SF3A3: variants seen among roughly 807,000 people sequenced by gnomAD.
SF3A3 encodes splicing factor 3a subunit 3, also known as SAP 61.
Under a neutral mutation model 85.8 loss-of-function variants are expected in SF3A3, and 9 were observed. That is an observed-to-expected ratio of 0.10 (90% CI 0.06 to 0.18). The LOEUF is 0.18. Among genes scored for constraint, SF3A3 ranks in the 10% least tolerant of loss-of-function variants. The pLI is 1.00. For synonymous variants in SF3A3, 195 were observed against 204.4 expected, an observed-to-expected ratio of 0.95 and a Z score of 0.39; for missense variants, 306 against 593.3, an observed-to-expected ratio of 0.52 and a Z score of 5.03.
chr1:37,984,024 A>G, intron 6 of SF3A3, 145 bp downstream of exon 6: 1 of 482,394 alleles, frequency 2.1e-6, no homozygotes, highest in Non-Finnish European at 3.7e-6. Flanking sequence ...TCATTCCAAG[A>G]GAGCATATCA....
At chr1:37,975,922 C>T (rs192574078) in intron 12 of SF3A3, among the ~76,000 whole-genome samples, 40 of 152,156 alleles carry the variant, frequency 2.6e-4, no homozygotes, top group African/African-American at 8.7e-4. Flanking sequence ...TTTGGGAGGC[C>T]GAGGCAAGCG....
rs1646225297 is a variant in SF3A3 at position 37,957,243 on chromosome 1, T to C, written c.*943A>G. The C allele has an allele frequency of 6.6e-6, 1 of 152,178 alleles. No individual in the cohort carries two copies. Among genetic ancestry groups the C allele is most frequent in the Non-Finnish European group, 1.5e-5 (1 of 68,042 alleles). 9.4% of individuals were successfully genotyped at this position (152,178 alleles called of 1,614,324 possible). ...AGTATTAGCTACTTTTACAGTCAAA[T>C]AGGGATCTTGTAGAAGAAACAGGTA... is the stretch of plus-strand genomic sequence containing the variant. On this transcript the variant is annotated 3_prime_UTR_variant, in exon 17 of 17. Transcript: ENST00000373019.
Position 37,969,628 on chromosome 1 carries a change from A to G in SF3A3, c.1113T>C (p.Asp371=), listed in dbSNP as rs773710022. The change falls in exon 13 of 17, where the codon GAT becomes GAC. Residue 371 remains aspartate (D), a synonymous_variant. Coordinates refer to ENST00000373019, the MANE Select transcript of SF3A3 (RefSeq NM_006802.4). The part of the protein sequence containing the change: ...EEQISESESE[D]EENEIIYNPK... The stretch of plus-strand genomic sequence containing the variant: ...GGTTGTAAATGATCTCGTTCTCTTC[A>G]TCTTCACTCTCACTCTCACTGATCT... 1.2e-6 allele frequency: 2 copies of G among 1,614,046 alleles called. No homozygotes were observed. Among genetic ancestry groups the G allele is most frequent in the East Asian group, 2.2e-5 (1 of 44,874 alleles).
chr1:37,960,034 G>A, intron 16 of SF3A3, 86 bp downstream of exon 16: 1 of 995,992 alleles, frequency 1.0e-6, no homozygotes, highest in Non-Finnish European at 1.6e-6. Flanking sequence ...AGTACACCAG[G>A]GACCATCTTT....
chr1:37,967,400 C>T (rs1355313765), intron 15 of SF3A3, among the ~76,000 whole-genome samples: 1 of 151,652 alleles, frequency 6.6e-6, no homozygotes, highest in East Asian at 2.0e-4. Flanking sequence ...AAAAAATTAG[C>T]CAGGTGTGGC....
intron 4 of SF3A3, among the ~76,000 whole-genome samples, chr1:37,985,972 G>A (rs544047093): frequency 2.2e-5 from 2 of 91,774 alleles, no homozygotes; most frequent in African/African-American, 4.0e-5. Context: ...TTTTTTTGAC[G>A]GAGTCTTGCT....
intron 9 of SF3A3, 39 bp downstream of exon 9, chr1:37,979,426 T>C (rs1557753206): frequency 6.1e-6 from 9 of 1,482,922 alleles, no homozygotes; most frequent in Non-Finnish European, 7.5e-6. Flanking sequence ...GACAGAAAAA[T>C]AGACAGAGAG....
At chr1:37,966,206 A>T (rs1008631063) in intron 15 of SF3A3, among the ~76,000 whole-genome samples, 2 of 150,372 alleles carry the variant, frequency 1.3e-5, no homozygotes, top group East Asian at 3.9e-4. Context: ...CTGTCTCAAA[A>T]AAATAAATAA....
chr1:37,980,678 C>T lies in SF3A3; in HGVS notation c.598G>A (p.Val200Met), dbSNP rs1227264964. ...TCATTCTGATCTTGGAGAGGCTTCA[C>T]TCTATCTGTGTAATCCTGAAGGTAC... is the stretch of plus-strand genomic sequence containing the variant. ...LEYLQDYTDR[V>M]KPLQDQNELF... Residue 200 changes from valine to methionine, a missense_variant, in exon 8 of 17, where the codon GTG becomes ATG. Coordinates refer to ENST00000373019, the MANE Select transcript of SF3A3 (RefSeq NM_006802.4). 1.2e-6 allele frequency: 2 copies of T among 1,613,954 alleles called. No individual in the cohort carries two copies. The highest frequency in any genetic ancestry group is 1.7e-6 in the Non-Finnish European group (2 of 1,179,902).
chr1:37,976,284 A>G (rs1557752033), intron 12 of SF3A3, among the ~76,000 whole-genome samples: 1 of 152,084 alleles, frequency 6.6e-6, no homozygotes, highest in South Asian at 2.1e-4. Context: ...TCCTGGAAAG[A>G]GATTTCTTTT....
In SF3A3 at chr1:37,989,957, T is replaced by C. The variant is rs1245455328; in HGVS notation, c.9A>G (p.Thr3=). ME[T]ILEQQRRYHE... ...GATAGCGCCGCTGCTGCTCCAGTAT[T>C]GTCTCCATCTTCCCTTAGTCGCGGC... is the stretch of plus-strand genomic sequence containing the variant. Residue 3 remains threonine (T), a synonymous_variant, in exon 1 of 17, where the codon ACA becomes ACG. Transcript: ENST00000373019. 4.3e-6 allele frequency: 7 copies of C among 1,610,926 alleles called. No individual in the cohort carries two copies. In the Admixed American group the frequency reaches 1.0e-4, roughly 23 times the overall value.
chr1:37,982,951 TGA>T (rs1380110441), intron 6 of SF3A3, among the ~76,000 whole-genome samples: 5 of 151,880 alleles, frequency 3.3e-5, no homozygotes, highest in African/African-American at 1.2e-4. Context: ...TTTTTTTTTT[TGA>T]GTTTGAGTTT....
Position 37,969,568 on chromosome 1 carries a change from T to C in SF3A3, c.1170+3A>G, listed in dbSNP as rs1646324674. The C allele has an allele frequency of 1.2e-6, 2 of 1,614,118 alleles. No homozygotes were observed. The highest frequency in any genetic ancestry group is 1.3e-5 in the African/African-American group (1 of 74,938). ...GGGAGAAAGTGGTAGTGCTGAGACT[T>C]ACTTTGCCATCCCAGCCAAGTGGCA... On this transcript the variant is annotated splice_donor_region_variant and intron_variant, in intron 13 of 16. Transcript: ENST00000373019.
chr1:37,960,303 C>A, intron 15 of SF3A3, 128 bp from the exon 16 acceptor site: 2 of 804,428 alleles, frequency 2.5e-6, no homozygotes, highest in Non-Finnish European at 2.1e-6. Context: ...TCTTGCCTAC[C>A]CCAAACCAGA....
At chr1:37,970,465 A>G (rs1646331258) in intron 12 of SF3A3, among the ~76,000 whole-genome samples, 1 of 152,172 alleles carries the variant, frequency 6.6e-6, no homozygotes, top group South Asian at 2.1e-4. Flanking sequence ...CAAAGTTAAC[A>G]AGGATATCCA....
At chr1:37,985,863 C>T (rs773801238) in intron 4 of SF3A3, among the ~76,000 whole-genome samples, 4 of 151,950 alleles carry the variant, frequency 2.6e-5, no homozygotes, top group Non-Finnish European at 5.9e-5. Flanking sequence ...TTAGTCTCTT[C>T]CTTTTTCCCT....
At chr1:37,985,949 C>T (rs1266746712) in intron 4 of SF3A3, among the ~76,000 whole-genome samples, 2 of 118,918 alleles carry the variant, frequency 1.7e-5, no homozygotes, top group African/African-American at 3.2e-5. Context: ...TCCTACCAGA[C>T]TTTTTTTTTT....
At chr1:37,988,856 GTTGTGTGTGT>G (rs1251460630) in intron 2 of SF3A3, among the ~76,000 whole-genome samples, 1 of 141,098 alleles carries the variant, frequency 7.1e-6, no homozygotes, top group Admixed American at 6.9e-5. Context: ...TACGGGGTGT[GTTGTGTGTGT>G]GTGTGTGTGT....
At chr1:37,979,837 A>C (rs1019753515) in intron 8 of SF3A3, among the ~76,000 whole-genome samples, 2 of 151,860 alleles carry the variant, frequency 1.3e-5, no homozygotes, top group African/African-American at 4.8e-5. Context: ...TTCAGCCTAG[A>C]AGCCAGATGG....
Sources: gnomAD v4.1 joint callset for allele counts (sites outside exome capture counted in the v4.1 genomes callset) on GRCh38, gnomAD v4.1.1 for gene constraint, MANE v1.5 for transcripts, NCBI Gene and HGNC (gene_info 2026-07-23, HGNC 2026-07-21) for gene names.